MAGI1: variants seen among roughly 807,000 people sequenced by gnomAD.
MAGI1 encodes membrane-associated guanylate kinase, WW and PDZ domain-containing protein 1.
MAGI1 carries 58 observed loss-of-function variants against 139.9 expected under a neutral mutation model. The ratio of observed to expected loss-of-function variants is 0.41; its 90% CI spans 0.34 to 0.52. The LOEUF (loss-of-function observed/expected upper bound fraction) is 0.52, where lower values mean the gene tolerates loss of function less well. MAGI1 is among the 20% of genes least tolerant of loss of function. The pLI is 0.12. For missense variants in MAGI1, 1,874 were observed against 1,901.6 expected, an observed-to-expected ratio of 0.99 and a Z score of 0.27; for synonymous variants, 812 against 737.9, an observed-to-expected ratio of 1.10 and a Z score of -1.63.
intron 1 of MAGI1, among the ~76,000 whole-genome samples, chr3:65,881,974 C>A (rs564528616): frequency 1.4e-4 from 21 of 152,330 alleles, no homozygotes; most frequent in African/African-American, 5.1e-4. Context: ...GATCAAATGA[C>A]AACACTTCCT....
intron 7 of MAGI1, among the ~76,000 whole-genome samples, chr3:65,444,710 C>A (rs1276780750): frequency 6.6e-6 from 1 of 152,048 alleles, no homozygotes; most frequent in Admixed American, 6.6e-5. Flanking sequence ...GAGGAGGGTA[C>A]TAGAAAAGAA....
intron 2 of MAGI1, among the ~76,000 whole-genome samples, chr3:65,554,328 T>C (rs1031332375): frequency 1.3e-5 from 2 of 152,158 alleles, no homozygotes; most frequent in African/African-American, 4.8e-5. Context: ...TAGAGAAGAT[T>C]TGAGTAAAGT....
intron 3 of MAGI1, among the ~76,000 whole-genome samples, 179 bp from the exon 4 acceptor site, chr3:65,478,977 C>G: frequency 6.6e-6 from 1 of 152,014 alleles, no homozygotes; most frequent in South Asian, 2.1e-4. Flanking sequence ...CAGCTAGACA[C>G]AGTAATTTCA....
At chr3:65,802,408 C>G (rs747779730) in intron 1 of MAGI1, among the ~76,000 whole-genome samples, 2 of 152,018 alleles carry the variant, frequency 1.3e-5, no homozygotes, top group Non-Finnish European at 2.9e-5. Context: ...AATTTTTCAC[C>G]ATGTGAACGC....
intron 1 of MAGI1, among the ~76,000 whole-genome samples, chr3:65,826,492 G>C (rs1025997551): frequency 6.6e-6 from 1 of 152,152 alleles, no homozygotes; most frequent in Non-Finnish European, 1.5e-5. Context: ...GGCTAATTAA[G>C]TATGGCTACT....
intron 2 of MAGI1, among the ~76,000 whole-genome samples, chr3:65,519,130 TG>T (rs1576157283): frequency 6.6e-6 from 1 of 151,758 alleles, no homozygotes; most frequent in Non-Finnish European, 1.5e-5. Context: ...GCAGAGTGGG[TG>T]GGGTAAGAGA....
At chr3:65,824,538 A>C (rs2042122580) in intron 1 of MAGI1, among the ~76,000 whole-genome samples, 1 of 152,238 alleles carries the variant, frequency 6.6e-6, no homozygotes, top group African/African-American at 2.4e-5. Context: ...TATACAAGCC[A>C]ACTAAGTTGT....
chr3:65,468,367 CTTTTTTTTTTTTTTTTTTTTT>C (rs71102860), intron 5 of MAGI1, among the ~76,000 whole-genome samples: 2 of 61,366 alleles, frequency 3.3e-5, no homozygotes, highest in African/African-American at 1.4e-4. Flanking sequence ...AGAGGGTATT[CTTTTTTTTTTTTTTTTTTTTT>C]TTTTTTTTGA....
chr3:65,678,087 C>G (rs1017620606), intron 1 of MAGI1, among the ~76,000 whole-genome samples: 9 of 152,128 alleles, frequency 5.9e-5, no homozygotes, highest in Non-Finnish European at 1.3e-4. Context: ...AAACCAAACA[C>G]CGCATGTTCT....
At chr3:65,659,422 T>C (rs2086067309) in intron 1 of MAGI1, among the ~76,000 whole-genome samples, 1 of 152,072 alleles carries the variant, frequency 6.6e-6, no homozygotes, top group African/African-American at 2.4e-5. Flanking sequence ...TTGACCTAGG[T>C]TTCACCTAGA....
At chr3:65,602,022 C>A (rs1314012551) in intron 2 of MAGI1, among the ~76,000 whole-genome samples, 1 of 152,082 alleles carries the variant, frequency 6.6e-6, no homozygotes, top group Non-Finnish European at 1.5e-5. Flanking sequence ...CAAATCAAAA[C>A]CACAATGACA....
At chr3:65,766,671 C>T (rs1363975114) in intron 1 of MAGI1, among the ~76,000 whole-genome samples, 1 of 151,856 alleles carries the variant, frequency 6.6e-6, no homozygotes, top group Non-Finnish European at 1.5e-5. Context: ...AGGTAGATCA[C>T]TTGAGGTCAT....
At chr3:65,851,819 C>A (rs537448316) in intron 1 of MAGI1, among the ~76,000 whole-genome samples, 5 of 151,996 alleles carry the variant, frequency 3.3e-5, no homozygotes, top group Admixed American at 2.0e-4. Flanking sequence ...GAAATATTTT[C>A]AAAAATATAC....
Position 65,381,870 on chromosome 3 carries a change from T to C in MAGI1, c.2701+7A>G, listed in dbSNP as rs373700797. The C allele has an allele frequency of 2.1e-4, 329 of 1,603,998 alleles. 1 individual carries two copies. The highest frequency in any genetic ancestry group is 2.6e-4 in the Non-Finnish European group (307 of 1,175,204). On this transcript the variant is annotated splice_region_variant and intron_variant, in intron 16 of 22. Coordinates refer to ENST00000402939, the MANE Select transcript of MAGI1 (RefSeq NM_001033057.2). ...GCACTGTCTGAAGGAATGAATGAAA[T>C]ACATACCCGCAAAAACCACTTTACG...
intron 2 of MAGI1, among the ~76,000 whole-genome samples, chr3:65,603,140 G>A (rs2082559512): frequency 6.6e-6 from 1 of 151,924 alleles, no homozygotes; most frequent in Admixed American, 6.6e-5. Context: ...AAAAAAATAC[G>A]TACCAGGCCA....
At chr3:65,663,107 A>C (rs2086295425) in intron 1 of MAGI1, among the ~76,000 whole-genome samples, 1 of 152,208 alleles carries the variant, frequency 6.6e-6, no homozygotes, top group African/African-American at 2.4e-5. Flanking sequence ...TGAAAAGGGA[A>C]CTAAAGGGTA....
At chr3:65,864,344 G>T (rs148231871) in intron 1 of MAGI1, among the ~76,000 whole-genome samples, 1 of 152,280 alleles carries the variant, frequency 6.6e-6, no homozygotes, top group East Asian at 1.9e-4. Flanking sequence ...CCTCATTCAG[G>T]CTCTTCTTTC....
chr3:65,869,281 A>G (rs1055195099), intron 1 of MAGI1, among the ~76,000 whole-genome samples: 1 of 150,774 alleles, frequency 6.6e-6, no homozygotes, highest in African/African-American at 2.5e-5. Context: ...ACAACAACTA[A>G]TTGATTATGT....
Position 65,511,626 on chromosome 3 carries a change from C to G in MAGI1, c.431-17995G>C, listed in dbSNP as rs1336177731. ...CTAACTATCCTAAATATATATGCAC[C>G]CAATACAGGAGCACCCAGATTCATA... is the stretch of plus-strand genomic sequence containing the variant. On this transcript the variant is annotated intron_variant, in intron 2 of 22. Coordinates refer to ENST00000402939, the MANE Select transcript of MAGI1 (RefSeq NM_001033057.2). Among the ~76,000 whole-genome samples, 57 of 135,320 alleles carry G rather than the reference C, an allele frequency of 4.2e-4. No homozygotes were observed. The Middle Eastern group carries it at 0.011, about 27-fold the overall frequency. The allele number at this position is 135,320 out of a possible 152,430, so 88.8% of individuals were successfully genotyped here.
Sources: allele counts gnomAD v4.1 joint callset (sites outside exome capture counted in the v4.1 genomes callset), GRCh38; gene constraint gnomAD v4.1.1; transcripts MANE v1.5; gene names NCBI Gene and HGNC (gene_info 2026-07-23, HGNC 2026-07-21).